Variants in ATAD3A observed in about 807,000 individuals in gnomAD.
ATAD3A encodes the protein ATPase family AAA domain containing 3A, also known as ATPase family AAA domain-containing protein 3A.
Under a neutral mutation model 73.8 loss-of-function variants are expected in ATAD3A, and 46 were observed. The observed-to-expected ratio is 0.62, with a 90% CI of 0.49 to 0.80. The LOEUF is 0.80. ATAD3A is among the 30% of genes least tolerant of loss of function. The probability of loss-of-function intolerance (pLI) is 0.00; values close to 1 mark genes in which losing one functional copy is unlikely to be tolerated. For synonymous variants in ATAD3A, 319 were observed against 350.0 expected, an observed-to-expected ratio of 0.91 and a Z score of 0.99; for missense variants, 705 against 838.0, an observed-to-expected ratio of 0.84 and a Z score of 1.96.
chr1:1,521,810 C>T (rs1246673133), intron 7 of ATAD3A, among the ~76,000 whole-genome samples: 1 of 152,244 alleles, frequency 6.6e-6, no homozygotes, highest in Non-Finnish European at 1.5e-5. Flanking sequence ...AGCAGTTCTC[C>T]TGCCTCAGCC....
intron 2 of ATAD3A, 64 bp downstream of exon 2, chr1:1,516,152 T>C: frequency 1.2e-6 from 2 of 1,606,484 alleles, no homozygotes; most frequent in South Asian, 1.1e-5. Flanking sequence ...TGGAGATTGG[T>C]AGGGCTACTG....
Position 1,523,164 on chromosome 1 carries a change from G to C in ATAD3A, c.906+265G>C, listed in dbSNP as rs531375402. Among the ~76,000 whole-genome samples, 1 of 152,000 alleles carries C rather than the reference G, an allele frequency of 6.6e-6. No homozygotes were observed. Among genetic ancestry groups the C allele is most frequent in the Non-Finnish European group, 1.5e-5 (1 of 68,006 alleles). ...GCACATCGGGGTCCTTGCAAGACCC[G>C]GGACTTGGGTGTGCGGCCGTCTATC... On this transcript the variant is annotated intron_variant, in intron 8 of 15. Transcript: ENST00000378756. This position sits in a 1 kb window ranked among gnomAD's most constrained non-coding sequence, Gnocchi z 5.1.
chr1:1,526,952 T>C (rs1180780747), intron 13 of ATAD3A, among the ~76,000 whole-genome samples: 2 of 152,082 alleles, frequency 1.3e-5, no homozygotes, highest in African/African-American at 4.8e-5. Context: ...GCAGGTCCTG[T>C]GTGTCGGGGC....
At chr1:1,533,400 C>T (rs1423512407) in intron 15 of ATAD3A, among the ~76,000 whole-genome samples, 1 of 152,232 alleles carries the variant, frequency 6.6e-6, no homozygotes, top group African/African-American at 2.4e-5. Context: ...ACAGCCCCAG[C>T]AGCTCCAGCC....
chr1:1,530,336 C>T (rs893101523), intron 15 of ATAD3A, among the ~76,000 whole-genome samples: 1 of 152,156 alleles, frequency 6.6e-6, no homozygotes, highest in Non-Finnish European at 1.5e-5. Flanking sequence ...GGGTTTAGGA[C>T]CAGCCTGGAA....
rs1570313017 is a variant in ATAD3A, at chr1:1,512,236, C to T, written c.-33C>T. 1 of 1,274,636 alleles carries T rather than the reference C, an allele frequency of 7.8e-7. No homozygotes were observed. Among genetic ancestry groups the T allele is most frequent in the Non-Finnish European group, 9.9e-7 (1 of 1,006,206 alleles). 79.0% of individuals were successfully genotyped at this position (1,274,636 alleles called of 1,614,324 possible). On this transcript the variant is annotated 5_prime_UTR_variant, in exon 1 of 16. Transcript: ENST00000378756. Reference sequence around the variant, plus strand: ...GCGCGAGTCAGACTCGGGTGGGGGTCCCGGCGGCGGTAGCGGCGGCGGCGG... The same window carrying T: ...GCGCGAGTCAGACTCGGGTGGGGGTTCCGGCGGCGGTAGCGGCGGCGGCGG...
At chr1:1,531,548 C>T (rs767297330) in intron 15 of ATAD3A, among the ~76,000 whole-genome samples, 15 of 150,750 alleles carry the variant, frequency 1.0e-4, no homozygotes, top group South Asian at 8.4e-4. Flanking sequence ...CCGAGATGGG[C>T]GGATCATGAA....
chr1:1,514,703 C>A (rs1411139760), intron 1 of ATAD3A, among the ~76,000 whole-genome samples: 3 of 152,198 alleles, frequency 2.0e-5, no homozygotes, highest in Non-Finnish European at 2.9e-5. Flanking sequence ...TACACCTGAG[C>A]TGAGAACAGA....
rs1449923394 is a variant in ATAD3A at position 1,527,968 on chromosome 1, T to C, written c.1505+106T>C. On this transcript the variant is annotated intron_variant, in intron 14 of 15. Coordinates refer to ENST00000378756, the MANE Select transcript of ATAD3A (RefSeq NM_001170535.3). ...AAACCTTTAACATTCCTTTTTTTTT[T>C]TTTTTTTTGAGACAAAGTCTCATTC... 2.0e-5 allele frequency: 27 copies of C among 1,383,306 alleles called. 2 individuals are homozygous for C. The African/African-American group carries it at 2.2e-4, about 11-fold the overall frequency. 85.7% of individuals were successfully genotyped at this position (1,383,306 alleles called of 1,614,324 possible).
intron 4 of ATAD3A, among the ~76,000 whole-genome samples, chr1:1,518,401 A>ACAGTCACCCGCCTGCACATTCGGGCACCG (rs2100651857): frequency 7.1e-6 from 1 of 141,246 alleles, no homozygotes; most frequent in South Asian, 2.4e-4. Context: ...ACACATGGGC[A>ACAGTCACCCGCCTGCACATTCGGGCACCG]TGCCCCCCCA....
At chr1:1,525,578 C>G (rs1195559833) in intron 12 of ATAD3A, among the ~76,000 whole-genome samples, 1 of 152,098 alleles carries the variant, frequency 6.6e-6, no homozygotes, top group South Asian at 2.1e-4. Flanking sequence ...CCACACCTGG[C>G]TAATTTTTTG....
chr1:1,530,586 T>C (rs1641999545), intron 15 of ATAD3A, among the ~76,000 whole-genome samples: 1 of 127,840 alleles, frequency 7.8e-6, no homozygotes, highest in Non-Finnish European at 1.5e-5. Context: ...TCCCAGCACT[T>C]TGGGAGGCCG....
At chr1:1,524,825 G>A (rs904298475) in intron 11 of ATAD3A, among the ~76,000 whole-genome samples, 3 of 150,116 alleles carry the variant, frequency 2.0e-5, no homozygotes, top group African/African-American at 7.4e-5. Flanking sequence ...CCCCGCGCAG[G>A]GCACAGCCCG....
Position 1,512,347 on chromosome 1 carries a change from C to T in ATAD3A, c.79C>T (p.Pro27Ser). 8.0e-7 allele frequency: 1 copy of T among 1,244,214 alleles called. No individual in the cohort carries two copies. Among genetic ancestry groups the T allele is most frequent in the Non-Finnish European group, 1.0e-6 (1 of 990,120 alleles). 77.1% of individuals were successfully genotyped at this position (1,244,214 alleles called of 1,614,324 possible). ...GPPPPLPPAQ[P>S]GAEGGGDRGL... ...GCCGCCGCCTTTGCCGCCCGCGCAG[C>T]CCGGGGCCGAGGGCGGCGGGGACCG... The change falls in exon 1 of 16, where the codon CCC becomes TCC. Residue 27 changes from proline to serine, a missense_variant. Physicochemically the swap from Pro to Ser is moderately conservative, Grantham distance 74. Coordinates refer to ENST00000378756, the MANE Select transcript of ATAD3A (RefSeq NM_001170535.3).
chr1:1,525,682 G>A (rs1641794979), intron 12 of ATAD3A, among the ~76,000 whole-genome samples: 1 of 152,070 alleles, frequency 6.6e-6, no homozygotes, highest in Non-Finnish European at 1.5e-5. Flanking sequence ...CCAAAGTGCT[G>A]GGATTACAGG....
chr1:1,514,799 G>A (rs903438560), intron 1 of ATAD3A, among the ~76,000 whole-genome samples: 32 of 152,302 alleles, frequency 2.1e-4, no homozygotes, highest in African/African-American at 7.2e-4. Context: ...GAAGAGAGAC[G>A]GGAACAACGC....
At chr1:1,514,367 G>T (rs1483309507) in intron 1 of ATAD3A, among the ~76,000 whole-genome samples, 1 of 152,122 alleles carries the variant, frequency 6.6e-6, no homozygotes, top group South Asian at 2.1e-4. Context: ...CACACCCTCA[G>T]TCCCCTCGGG....
chr1:1,521,418 G>A (rs796190680), intron 7 of ATAD3A, among the ~76,000 whole-genome samples: 6 of 148,800 alleles, frequency 4.0e-5, no homozygotes, highest in African/African-American at 1.2e-4. Context: ...TTCTTCTCTC[G>A]TTTAAAGCCT....
intron 15 of ATAD3A, among the ~76,000 whole-genome samples, chr1:1,531,523 C>T (rs1221732696): frequency 3.3e-5 from 5 of 151,526 alleles, no homozygotes; most frequent in African/African-American, 9.7e-5. Flanking sequence ...CCTGTAATCC[C>T]AGCACTTTGG....
Sources: allele counts gnomAD v4.1 joint callset (sites outside exome capture counted in the v4.1 genomes callset), GRCh38; gene constraint gnomAD v4.1.1; non-coding constraint Gnocchi (gnomAD v3.1); transcripts MANE v1.5; gene names NCBI Gene and HGNC (gene_info 2026-07-23, HGNC 2026-07-21).